Variants in NDP observed in about 807,000 individuals in gnomAD.
The protein encoded by NDP is norrin cystine knot growth factor NDP, also known as norrin.
NDP carries 2 observed loss-of-function variants against 8.4 expected under a neutral mutation model. The observed-to-expected ratio is 0.24, with a 90% CI of 0.10 to 0.75. NDP has a LOEUF of 0.75. NDP is among the 30% of genes least tolerant of loss of function. NDP has a pLI of 0.73. For synonymous variants in NDP, 55 were observed against 45.6 expected, an observed-to-expected ratio of 1.21 and a Z score of -0.83; for missense variants, 81 against 110.1, an observed-to-expected ratio of 0.74 and a Z score of 1.18.
Position 43,956,348 on chromosome X carries a change from T to C in NDP, c.174+2124A>G, listed in dbSNP as rs960611614. On this transcript the variant is annotated intron_variant, in intron 2 of 2. Coordinates refer to ENST00000642620, the MANE Select transcript of NDP (RefSeq NM_000266.4). Reference sequence around the variant, plus strand: ...TAAATAATGACCCTTGAACATGATGTCAAGGGATAATTTTTATAGAGACAA... The same window carrying C: ...TAAATAATGACCCTTGAACATGATGCCAAGGGATAATTTTTATAGAGACAA... Among the ~76,000 whole-genome samples, 6 of 111,784 alleles carry C rather than the reference T, an allele frequency of 5.4e-5. No homozygotes were observed. In the Middle Eastern group the frequency reaches 0.014, roughly 258 times the overall value.
chrX:43,962,269 A>ATT (rs776438846), intron 1 of NDP, among the ~76,000 whole-genome samples: 8 of 95,667 alleles, frequency 8.4e-5, no homozygotes, highest in Non-Finnish European at 1.7e-4. Context: ...ATAACCTGGG[A>ATT]TTTTTTTTTT....
At chrX:43,964,668 G>C (rs1180203407) in intron 1 of NDP, among the ~76,000 whole-genome samples, 1 of 111,695 alleles carries the variant, frequency 9.0e-6, no homozygotes, top group African/African-American at 3.3e-5. Context: ...AGAAATATGG[G>C]ATAACAATTT....
chrX:43,962,973 C>T (rs1016732459), intron 1 of NDP, among the ~76,000 whole-genome samples: 2 of 112,160 alleles, frequency 1.8e-5, no homozygotes, highest in African/African-American at 6.5e-5. Flanking sequence ...GATCAGCTCA[C>T]TCTTGGGCTG....
chrX:43,959,479 G>T (rs972836192), intron 1 of NDP, among the ~76,000 whole-genome samples: 2 of 112,455 alleles, frequency 1.8e-5, no homozygotes, highest in African/African-American at 6.5e-5. Context: ...CTCCAGCATG[G>T]TTAAGGTATC....
chrX:43,949,946 G>C lies in NDP; in HGVS notation c.255C>G (p.Leu85=), dbSNP rs768396026. Residue 85 remains leucine (L), a synonymous_variant, in exon 3 of 3, where the codon CTC becomes CTG. Transcript: ENST00000642620. ...GACAGGAGGAACGGAAGGGTTGCTT[G>C]AGGACAGTGCTGAACGACACCAAAG... ...SEPLVSFSTV[L]KQPFRSSCHC... is the part of the protein sequence containing the mutation. The C allele has an allele frequency of 2.5e-6, 3 of 1,208,374 alleles. No individual in the cohort carries two copies. Among genetic ancestry groups the C allele is most frequent in the Admixed American group, 4.4e-5 (2 of 45,823 alleles).
chrX:43,961,626 G>C (rs1408947134), intron 1 of NDP, among the ~76,000 whole-genome samples: 1 of 111,426 alleles, frequency 9.0e-6, no homozygotes, highest in Non-Finnish European at 1.9e-5. Flanking sequence ...ATATCTTTTC[G>C]TATTTTTAGA....
At chrX:43,961,175 T>C (rs1168254022) in intron 1 of NDP, among the ~76,000 whole-genome samples, 1 of 112,835 alleles carries the variant, frequency 8.9e-6, no homozygotes, top group Non-Finnish European at 1.9e-5. Context: ...TCATGCACCC[T>C]ATTGGCAAGG....
chrX:43,958,275 T>C (rs1317882164), intron 2 of NDP, among the ~76,000 whole-genome samples, 197 bp downstream of exon 2: 1 of 112,338 alleles, frequency 8.9e-6, no homozygotes, highest in African/African-American at 3.2e-5. Context: ...TGCACATGAT[T>C]GATTAGGCAC....
chrX:43,967,781 A>G (rs1490220547), intron 1 of NDP, among the ~76,000 whole-genome samples: 2 of 110,823 alleles, frequency 1.8e-5, no homozygotes, highest in Non-Finnish European at 3.8e-5. Context: ...ACCCTTGAGC[A>G]TTTTCTGACA....
At chrX:43,959,341 G>A (rs2035813347) in intron 1 of NDP, among the ~76,000 whole-genome samples, 1 of 111,326 alleles carries the variant, frequency 9.0e-6, no homozygotes, top group Non-Finnish European at 1.9e-5. Context: ...CCATTTCCAA[G>A]TCCATACTCA....
intron 2 of NDP, 172 bp from the exon 3 acceptor site, chrX:43,950,198 G>A (rs994000456): frequency 2.1e-6 from 1 of 470,401 alleles, no homozygotes; most frequent in East Asian, 3.7e-5. Flanking sequence ...CATTCAGATC[G>A]ATTGAATTAA....
At chrX:43,954,492 C>G (rs1425166779) in intron 2 of NDP, 1 of 111,658 alleles carries the variant, frequency 9.0e-6, no homozygotes, top group East Asian at 2.8e-4. Context: ...AAAATTGTCT[C>G]TTTTTTCTTT....
At chrX:43,968,427 C>T (rs1215570093) in intron 1 of NDP, among the ~76,000 whole-genome samples, 1 of 112,868 alleles carries the variant, frequency 8.9e-6, no homozygotes, top group African/African-American at 3.2e-5. Flanking sequence ...TGTGAATTTG[C>T]AGCATGCAAC....
chrX:43,962,819 G>A (rs747623192), intron 1 of NDP, among the ~76,000 whole-genome samples: 6 of 111,781 alleles, frequency 5.4e-5, no homozygotes, highest in African/African-American at 2.0e-4. Context: ...TGGCGTGCCC[G>A]ACTTTGGAGC....
chrX:43,950,458 CAA>C (rs11292831), intron 2 of NDP, among the ~76,000 whole-genome samples: 18,009 of 59,033 alleles, frequency 0.31, 1,973 homozygotes, highest in Middle Eastern at 0.51. Context: ...AAATGACTAC[CAA>C]AAAAAAAAAA....
At chrX:43,954,935 G>T (rs141448385) in intron 2 of NDP, among the ~76,000 whole-genome samples, 1,823 of 111,205 alleles carry the variant, frequency 0.016, 40 homozygotes, top group African/African-American at 0.056. Context: ...CTGCCAGTTT[G>T]CTTTCCCACC....
At chrX:43,958,414 T>C in intron 2 of NDP, 58 bp downstream of exon 2, 1 of 1,158,633 alleles carries the variant, frequency 8.6e-7, no homozygotes, top group Non-Finnish European at 1.2e-6. Context: ...GACAAAGAAA[T>C]ATGGCTTCTT....
intron 1 of NDP, among the ~76,000 whole-genome samples, chrX:43,964,086 G>C (rs2035843085): frequency 8.9e-6 from 1 of 111,782 alleles, no homozygotes; most frequent in South Asian, 3.8e-4. Flanking sequence ...TGGTGGGGGG[G>C]TGAGGGAATA....
At chrX:43,952,399 C>T (rs1156666924) in intron 2 of NDP, among the ~76,000 whole-genome samples, 11 of 111,608 alleles carry the variant, frequency 9.9e-5, no homozygotes, top group Non-Finnish European at 1.9e-4. Flanking sequence ...AGTCACCTTC[C>T]GTGATGGAGT....
Sources: allele counts gnomAD v4.1 joint callset (sites outside exome capture counted in the v4.1 genomes callset), GRCh38; gene constraint gnomAD v4.1.1; transcripts MANE v1.5; gene names NCBI Gene and HGNC (gene_info 2026-07-23, HGNC 2026-07-21).